DLG2: variants seen among roughly 807,000 people sequenced by gnomAD.
DLG2 encodes disks large homolog 2.
A neutral mutation model predicts 132.5 loss-of-function variants in DLG2; 45 were observed. The ratio of observed to expected loss-of-function variants is 0.34; its 90% CI spans 0.27 to 0.44. The LOEUF is 0.44. Ranked by LOEUF, DLG2 falls within the 20% of genes least tolerant of loss-of-function variation. The probability of loss-of-function intolerance (pLI) is 1.00; values close to 1 mark genes in which losing one functional copy is unlikely to be tolerated. For missense variants in DLG2, 1,045 were observed against 1,196.9 expected (o/e 0.87, Z 1.87); for synonymous variants, 424 against 419.6 (o/e 1.01, Z -0.13).
intron 3 of DLG2, among the ~76,000 whole-genome samples, chr11:85,414,037 A>G (rs1447714939): frequency 6.6e-6 from 1 of 151,884 alleles, no homozygotes. Context: ...TGTGCATGGG[A>G]TGTGTTTCCA....
intron 7 of DLG2, among the ~76,000 whole-genome samples, chr11:84,412,643 T>C (rs1431334335): frequency 2.0e-5 from 3 of 152,216 alleles, no homozygotes; most frequent in Admixed American, 2.0e-4. Context: ...CCACATGCCC[T>C]AGGTGAGGGA....
At chr11:83,966,564 G>A (rs913566314) in intron 12 of DLG2, among the ~76,000 whole-genome samples, 6 of 151,836 alleles carry the variant, frequency 4.0e-5, no homozygotes, top group Non-Finnish European at 8.8e-5. Context: ...TAGAATAAAC[G>A]TTAATTCAGG....
chr11:84,961,526 T>TTGTGTGTGTG (rs71465017), intron 6 of DLG2, among the ~76,000 whole-genome samples: 5 of 143,782 alleles, frequency 3.5e-5, no homozygotes, highest in African/African-American at 7.7e-5. Context: ...AATTGTATCT[T>TTGTGTGTGTG]TGTGTGTGTG....
chr11:83,484,579 C>G (rs2093376460), intron 21 of DLG2, among the ~76,000 whole-genome samples: 1 of 152,088 alleles, frequency 6.6e-6, no homozygotes. Context: ...TTGAATGTCT[C>G]TGAACCTCAG....
intron 6 of DLG2, among the ~76,000 whole-genome samples, chr11:84,823,868 T>C (rs952120105): frequency 4.6e-5 from 7 of 151,854 alleles, no homozygotes; most frequent in Non-Finnish European, 8.8e-5. Flanking sequence ...TAATATAAAA[T>C]TGGTAGCATG....
chr11:83,870,827 CT>C (rs1468030343), intron 16 of DLG2, among the ~76,000 whole-genome samples: 2 of 152,274 alleles, frequency 1.3e-5, no homozygotes, highest in Admixed American at 6.5e-5. Context: ...CAGATCTGCT[CT>C]TTGCTGAGCT....
Position 84,946,853 on chromosome 11 carries a change from T to C in DLG2, c.357+164808A>G, listed in dbSNP as rs7941798. On this transcript the variant is annotated intron_variant, in intron 6 of 27. Coordinates refer to ENST00000376104, the MANE Select transcript of DLG2 (RefSeq NM_001142699.3). The stretch of plus-strand genomic sequence containing the variant: ...ATTTATTTAGAGCCCCAGAGCCCTT[T>C]AGCATGCAATGGTGGTGCTAGCCGG... Among the ~76,000 whole-genome samples, 475 of 152,300 alleles carry C rather than the reference T, an allele frequency of 3.1e-3. 2 individuals carry two copies. Among genetic ancestry groups the C allele is most frequent in the African/African-American group, 0.011 (447 of 41,568 alleles).
chr11:84,758,363 G>A (rs1488172092), intron 6 of DLG2, among the ~76,000 whole-genome samples: 1 of 152,176 alleles, frequency 6.6e-6, no homozygotes, highest in Admixed American at 6.5e-5. Flanking sequence ...TATGACCTGA[G>A]ACAAACTATT....
chr11:84,225,530 C>T (rs2096978732), intron 8 of DLG2, among the ~76,000 whole-genome samples: 1 of 152,178 alleles, frequency 6.6e-6, no homozygotes, highest in Non-Finnish European at 1.5e-5. Flanking sequence ...GATTATTCCA[C>T]TAGAATATCA....
rs1453769413 is a variant in DLG2, at chr11:85,242,572, C to G, written c.186+42648G>C. ...ATTCTCTATCTCTTTTCTGCTTCCT[C>G]CTGGAGGAATTTCTCTTTGCTTTCA... On this transcript the variant is annotated intron_variant, in intron 4 of 27. Transcript: ENST00000376104. 4.6e-5 allele frequency among the ~76,000 whole-genome samples: 7 copies of G among 151,670 alleles called. No homozygotes were observed. In the East Asian group the frequency reaches 1.4e-3, roughly 29 times the overall value.
rs35604470 is a variant in DLG2 at position 84,107,013 on chromosome 11, T to TGAGAGAGAGAGA, written c.625-7967_625-7966insTCTCTCTCTCTC. 1.5e-3 allele frequency among the ~76,000 whole-genome samples: 192 copies of TGAGAGAGAGAGA among 126,178 alleles called. 2 individuals carry two copies. The highest frequency in any genetic ancestry group is 4.0e-3 in the African/African-American group (131 of 32,688). The allele number at this position is 126,178 out of a possible 152,430, so 82.8% of individuals were successfully genotyped here. On this transcript the variant is annotated intron_variant, in intron 9 of 27. Transcript: ENST00000376104. ...GTGTGTGTGTGTGTGTGTGTGTGTG[T>TGAGAGAGAGAGA]GAGAGAGTTTTAGCCTTAGGGGAGA... is the stretch of plus-strand genomic sequence containing the variant.
chr11:85,390,327 T>C (rs1433811661), intron 3 of DLG2, among the ~76,000 whole-genome samples: 1 of 152,086 alleles, frequency 6.6e-6, no homozygotes, highest in Non-Finnish European at 1.5e-5. Context: ...TATATGCACC[T>C]GACATTGGCA....
chr11:84,359,425 T>C (rs2098636891), intron 7 of DLG2, among the ~76,000 whole-genome samples: 1 of 151,928 alleles, frequency 6.6e-6, no homozygotes, highest in East Asian at 1.9e-4. Context: ...AATTCATTAA[T>C]GTTGCCCTGA....
At chr11:84,240,765 T>C (rs2097216246) in intron 8 of DLG2, among the ~76,000 whole-genome samples, 1 of 152,192 alleles carries the variant, frequency 6.6e-6, no homozygotes, top group Non-Finnish European at 1.5e-5. Flanking sequence ...TCTTAGGTGA[T>C]CACTATTAAG....
intron 27 of DLG2, among the ~76,000 whole-genome samples, chr11:83,460,864 CAGAA>C (rs1390394062): frequency 2.0e-5 from 3 of 152,142 alleles, no homozygotes; most frequent in African/African-American, 7.2e-5. Context: ...TGGTTACTGA[CAGAA>C]AGATTACTTA....
At position 83,604,812 on chromosome 11, in the gene DLG2, A is replaced by G. The variant is rs78005199; in HGVS notation, c.1940+28399T>C. Among the ~76,000 whole-genome samples the G allele has an allele frequency of 3.3e-3, 497 of 152,326 alleles. 4 individuals are homozygous for G. Among genetic ancestry groups the G allele is most frequent in the African/African-American group, 0.012 (482 of 41,566 alleles). ...TGCTGTGAACCTAAAACTGCTTTAA[A>G]AAAAGAAAATCTATAAGACAAAAAC... On this transcript the variant is annotated intron_variant, in intron 19 of 27. Coordinates refer to ENST00000376104, the MANE Select transcript of DLG2 (RefSeq NM_001142699.3).
At chr11:85,076,006 C>T (rs578140538) in intron 6 of DLG2, among the ~76,000 whole-genome samples, 46 of 152,040 alleles carry the variant, frequency 3.0e-4, no homozygotes, top group African/African-American at 1.1e-3. Context: ...ATATTTAGAG[C>T]TCCCCTACTT....
intron 6 of DLG2, among the ~76,000 whole-genome samples, chr11:85,024,699 C>G (rs1361658783): frequency 6.6e-6 from 1 of 152,204 alleles, no homozygotes; most frequent in African/African-American, 2.4e-5. Flanking sequence ...CCTACCATAA[C>G]CCTCTCCATA....
intron 3 of DLG2, among the ~76,000 whole-genome samples, chr11:85,290,781 C>T (rs2078844376): frequency 6.6e-6 from 1 of 151,946 alleles, no homozygotes; most frequent in Non-Finnish European, 1.5e-5. Flanking sequence ...CTATTCAGTC[C>T]AATCTCTCTC....
Sources: gnomAD v4.1 joint callset for allele counts (sites outside exome capture counted in the v4.1 genomes callset) on GRCh38, gnomAD v4.1.1 for gene constraint, MANE v1.5 for transcripts, NCBI Gene and HGNC (gene_info 2026-07-23, HGNC 2026-07-21) for gene names.